The following ERC2 variants were observed in gnomAD, a reference collection of about 807,000 sequenced individuals.
The protein encoded by ERC2 is ELKS/RAB6-interacting/CAST family member 2.
Under a neutral mutation model 114.8 loss-of-function variants are expected in ERC2, and 42 were observed. The observed-to-expected ratio is 0.37, with a 90% CI of 0.29 to 0.47. The LOEUF (loss-of-function observed/expected upper bound fraction) is 0.47. Ranked by LOEUF, ERC2 falls within the 20% of genes least tolerant of loss-of-function variation. The pLI, the probability that ERC2 is intolerant of heterozygous loss-of-function variation, is 0.99. For missense variants in ERC2, 939 were observed against 1,150.7 expected, an observed-to-expected ratio of 0.82 and a Z score of 2.66; for synonymous variants, 454 against 425.5, an observed-to-expected ratio of 1.07 and a Z score of -0.82.
chr3:56,325,421 G>A (rs765657962), intron 2 of ERC2, among the ~76,000 whole-genome samples: 5 of 152,040 alleles, frequency 3.3e-5, no homozygotes, highest in African/African-American at 4.8e-5. Context: ...ACTCCAGCCT[G>A]GGCGACAGAG....
intron 1 of ERC2, among the ~76,000 whole-genome samples, chr3:56,455,664 C>T (rs2063029685): frequency 6.6e-6 from 1 of 152,150 alleles, no homozygotes; most frequent in African/African-American, 2.4e-5. Context: ...TAGCACAGTG[C>T]CTGACTCATA....
chr3:55,642,326 T>C (rs961284603), intron 17 of ERC2, among the ~76,000 whole-genome samples: 20 of 141,088 alleles, frequency 1.4e-4, no homozygotes, highest in South Asian at 4.6e-4. Context: ...AGCTTTTTTT[T>C]TTTTCTTTTC....
At position 56,434,892 on chromosome 3, in the gene ERC2, C is replaced by G. The variant is rs1026135394; in HGVS notation, c.116G>C (p.Gly39Ala). The change falls in exon 2 of 18, where the codon GGA (glycine) becomes GCA (alanine). Residue 39 changes from glycine to alanine, a missense_variant. By Grantham distance (60) the Gly-to-Ala change is moderately conservative. Transcript: ENST00000288221. ...CTCCATAGACAGAGTCTTGCCTGTT[C>G]CTCCACCTCCCCCACTACTTGTTCT... ...HRRTSSGGGG[G>A]TGKTLSMENI... 2 of 1,613,808 alleles carry G rather than the reference C, an allele frequency of 1.2e-6. No homozygotes were observed. The highest frequency in any genetic ancestry group is 8.5e-7 in the Non-Finnish European group (1 of 1,179,868).
chr3:55,711,566 A>G (rs1479964899), intron 15 of ERC2, among the ~76,000 whole-genome samples: 1 of 152,192 alleles, frequency 6.6e-6, no homozygotes, highest in African/African-American at 2.4e-5. Flanking sequence ...CCAGTCCTCT[A>G]TTGATGTGTT....
intron 2 of ERC2, among the ~76,000 whole-genome samples, chr3:56,343,185 C>G (rs2058160249): frequency 1.0e-5 from 1 of 95,926 alleles, no homozygotes; most frequent in Non-Finnish European, 2.2e-5. Flanking sequence ...CTCTCTCTCT[C>G]TCTCTCTCAC....
chr3:56,370,606 T>G (rs1232181393), intron 2 of ERC2, among the ~76,000 whole-genome samples: 1 of 150,226 alleles, frequency 6.7e-6, no homozygotes, highest in Admixed American at 6.6e-5. Flanking sequence ...TTTTTTTTTT[T>G]TTTTTTGAGA....
intron 7 of ERC2, among the ~76,000 whole-genome samples, chr3:56,044,295 A>C (rs968015899): frequency 6.6e-6 from 1 of 152,116 alleles, no homozygotes; most frequent in Non-Finnish European, 1.5e-5. Flanking sequence ...AAATTACTTC[A>C]AGTTGATGCC....
chr3:55,725,886 G>A (rs2148897640), intron 15 of ERC2, among the ~76,000 whole-genome samples: 1 of 152,310 alleles, frequency 6.6e-6, no homozygotes, highest in Middle Eastern at 3.4e-3. Flanking sequence ...GAGTACTGGG[G>A]TTGAGGCACC....
intron 7 of ERC2, among the ~76,000 whole-genome samples, chr3:56,033,649 G>T (rs769382261): frequency 1.3e-5 from 2 of 152,168 alleles, no homozygotes; most frequent in Non-Finnish European, 2.9e-5. Flanking sequence ...GCCAAGTATA[G>T]TATTCTTGGT....
intron 17 of ERC2, among the ~76,000 whole-genome samples, chr3:55,603,434 C>T (rs111403229): frequency 1.9e-3 from 285 of 152,182 alleles, no homozygotes; most frequent in Admixed American, 8.0e-3. Context: ...AGATTGAGAC[C>T]ATCCTGGCTA....
chr3:55,750,242 A>T (rs938461977), intron 14 of ERC2, among the ~76,000 whole-genome samples: 1 of 152,200 alleles, frequency 6.6e-6, no homozygotes, highest in Non-Finnish European at 1.5e-5. Flanking sequence ...AAGATACAGG[A>T]TAAGAAATTG....
chr3:55,608,596 C>A, intron 17 of ERC2, among the ~76,000 whole-genome samples: 1 of 152,230 alleles, frequency 6.6e-6, no homozygotes, highest in East Asian at 1.9e-4. Context: ...GGGCCAAGGC[C>A]AGCCTCCTCT....
intron 2 of ERC2, among the ~76,000 whole-genome samples, chr3:56,421,084 C>T (rs114847162): frequency 6.6e-6 from 1 of 151,858 alleles, no homozygotes; most frequent in Non-Finnish European, 1.5e-5. Flanking sequence ...CTAGGGGGCA[C>T]AATGTAGGTA....
At chr3:56,066,941 G>A (rs979134734) in intron 7 of ERC2, among the ~76,000 whole-genome samples, 12 of 152,258 alleles carry the variant, frequency 7.9e-5, no homozygotes, top group African/African-American at 2.4e-4. Flanking sequence ...ATGCTGTATT[G>A]GTTACCATAG....
At chr3:56,237,403 C>T (rs1025448508) in intron 3 of ERC2, among the ~76,000 whole-genome samples, 26 of 152,176 alleles carry the variant, frequency 1.7e-4, no homozygotes, top group Admixed American at 7.2e-4. Flanking sequence ...TCAGGTGCCA[C>T]CATGGATATA....
chr3:55,749,430 G>C (rs1285896045), intron 14 of ERC2, among the ~76,000 whole-genome samples: 1 of 152,186 alleles, frequency 6.6e-6, no homozygotes. Context: ...AAGGTGAGAG[G>C]TGAGGCCAGC....
chr3:56,208,132 C>T (rs1429329248), intron 3 of ERC2, among the ~76,000 whole-genome samples: 7 of 152,180 alleles, frequency 4.6e-5, no homozygotes, highest in South Asian at 2.1e-4. Flanking sequence ...AATAAACTGA[C>T]GCATCTTCAA....
At chr3:55,635,824 C>T (rs1251584330) in intron 17 of ERC2, among the ~76,000 whole-genome samples, 1 of 152,146 alleles carries the variant, frequency 6.6e-6, no homozygotes, top group Non-Finnish European at 1.5e-5. Context: ...CTTTAAATAG[C>T]AATCGTTCCC....
chr3:55,910,195 G>C (rs2064716565), intron 13 of ERC2, among the ~76,000 whole-genome samples: 2 of 152,098 alleles, frequency 1.3e-5, no homozygotes, highest in African/African-American at 4.8e-5. Flanking sequence ...TTGGAGACCA[G>C]CCTGGCCAAC....
Sources: allele counts gnomAD v4.1 joint callset (sites outside exome capture counted in the v4.1 genomes callset), GRCh38; gene constraint gnomAD v4.1.1; transcripts MANE v1.5; gene names NCBI Gene and HGNC (gene_info 2026-07-23, HGNC 2026-07-21).